The following LRP1B variants were observed in gnomAD, a reference collection of about 807,000 sequenced individuals.
LRP1B encodes LDL receptor related protein 1B.
Under a neutral mutation model 556.6 loss-of-function variants are expected in LRP1B, and 217 were observed. That is an observed-to-expected ratio of 0.39 (90% CI 0.35 to 0.44). LRP1B has a LOEUF of 0.44. Among genes scored for constraint, LRP1B ranks in the 20% least tolerant of loss-of-function variants. LRP1B has a pLI of 1.00. For synonymous variants in LRP1B, 2,047 were observed against 1,865.8 expected (o/e 1.10, Z -2.50); for missense variants, 5,053 against 5,620.8 (o/e 0.90, Z 3.23).
chr2:140,356,286 G>A (rs1682211182), intron 75 of LRP1B, 56 bp downstream of exon 75: 3 of 1,563,442 alleles, frequency 1.9e-6, no homozygotes, highest in Non-Finnish European at 2.6e-6. Flanking sequence ...TAGAAGTCTT[G>A]GGAATCTTCA....
chr2:141,902,389 C>T (rs1188405807), intron 1 of LRP1B, among the ~76,000 whole-genome samples: 2 of 151,894 alleles, frequency 1.3e-5, no homozygotes, highest in African/African-American at 4.8e-5. Context: ...CCTTAATATA[C>T]ATATAACTAT....
intron 2 of LRP1B, among the ~76,000 whole-genome samples, chr2:141,728,332 C>T (rs1693124993): frequency 6.6e-6 from 1 of 150,384 alleles, no homozygotes; most frequent in Non-Finnish European, 1.5e-5. Flanking sequence ...GTGACAATCC[C>T]AGAGCAGCCG....
At chr2:141,702,685 A>G (rs1347711893) in intron 2 of LRP1B, among the ~76,000 whole-genome samples, 2 of 151,874 alleles carry the variant, frequency 1.3e-5, no homozygotes, top group East Asian at 3.9e-4. Context: ...ATATTTTTCC[A>G]GGAAATTGTT....
intron 6 of LRP1B, among the ~76,000 whole-genome samples, chr2:141,220,233 T>G (rs1256736703): frequency 6.6e-6 from 1 of 152,076 alleles, no homozygotes; most frequent in African/African-American, 2.4e-5. Flanking sequence ...GGAACATAAA[T>G]GACCTGAAGG....
At chr2:140,312,656 C>A (rs1684356692) in intron 83 of LRP1B, among the ~76,000 whole-genome samples, 1 of 151,804 alleles carries the variant, frequency 6.6e-6, no homozygotes, top group African/African-American at 2.4e-5. Flanking sequence ...TTAAATCTAT[C>A]CTCCTATGAG....
At chr2:141,866,460 T>C (rs1698415594) in intron 1 of LRP1B, among the ~76,000 whole-genome samples, 1 of 152,206 alleles carries the variant, frequency 6.6e-6, no homozygotes, top group African/African-American at 2.4e-5. Flanking sequence ...TATGAGATCA[T>C]AGTCTTCATA....
At chr2:141,493,012 A>G (rs1442323181) in intron 2 of LRP1B, among the ~76,000 whole-genome samples, 2 of 152,152 alleles carry the variant, frequency 1.3e-5, no homozygotes, top group Admixed American at 1.3e-4. Context: ...ATTGCTGTTT[A>G]TTGAGTACTT....
intron 18 of LRP1B, among the ~76,000 whole-genome samples, chr2:140,959,289 G>C (rs1695965715): frequency 6.6e-6 from 1 of 151,490 alleles, no homozygotes; most frequent in African/African-American, 2.4e-5. Context: ...TTCTTTAAGA[G>C]GGAAAATGTT....
intron 79 of LRP1B, among the ~76,000 whole-genome samples, chr2:140,327,581 TAAAAACA>T (rs1196363280): frequency 1.3e-5 from 2 of 152,162 alleles, no homozygotes; most frequent in Non-Finnish European, 2.9e-5. Context: ...TGAGAAGGGT[TAAAAACA>T]TAAAACATGA....
chr2:140,905,829 C>T (rs770447695), intron 22 of LRP1B, among the ~76,000 whole-genome samples: 2 of 152,142 alleles, frequency 1.3e-5, no homozygotes, highest in Non-Finnish European at 2.9e-5. Context: ...TACTAGTTAG[C>T]ATCTGGCTTT....
At chr2:141,815,262 G>C (rs1000105943) in intron 1 of LRP1B, among the ~76,000 whole-genome samples, 2 of 152,178 alleles carry the variant, frequency 1.3e-5, no homozygotes, top group Non-Finnish European at 2.9e-5. Flanking sequence ...AGTTAACATA[G>C]TCTTAGTCGG....
intron 1 of LRP1B, among the ~76,000 whole-genome samples, chr2:141,825,377 C>T (rs1696888436): frequency 6.6e-6 from 1 of 152,090 alleles, no homozygotes; most frequent in South Asian, 2.1e-4. Flanking sequence ...ATCTCCTTCC[C>T]TAGTATTCTC....
In LRP1B at chr2:141,015,833, T is replaced by C. The variant is rs2105389431; in HGVS notation, c.2053A>G (p.Asn685Asp). 6.2e-7 allele frequency: 1 copy of C among 1,613,658 alleles called. No homozygotes were observed. The highest frequency in any genetic ancestry group is 2.2e-5 in the East Asian group (1 of 44,742). The change falls in exon 13 of 91, where the codon AAT becomes GAT. Residue 685 changes from asparagine to aspartate, a missense_variant. Physicochemically the swap from Asn to Asp is conservative, Grantham distance 23. This residue lies in a region of LRP1B where 3,619 missense variants were observed against 3,931.9 expected (regional missense o/e 0.92). Coordinates refer to ENST00000389484, the MANE Select transcript of LRP1B (RefSeq NM_018557.3). ...TTTGAAGTCACAAAAATCTGCCGATTGAATCCATCCATCCAGGCCTTCTCA... is the reference window on the plus strand; with the variant it reads ...TTTGAAGTCACAAAAATCTGCCGATCGAATCCATCCATCCAGGCCTTCTCA... ...RIEKAWMDGF[N>D]RQIFVTSKML...
At chr2:140,673,906 A>G (rs115875660) in intron 41 of LRP1B, among the ~76,000 whole-genome samples, 2,065 of 151,774 alleles carry the variant, frequency 0.014, 41 homozygotes, top group Admixed American at 0.046. Flanking sequence ...TCCAACCCGC[A>G]ACATATTTTA....
intron 3 of LRP1B, among the ~76,000 whole-genome samples, chr2:141,410,555 T>G (rs1690814878): frequency 6.6e-6 from 1 of 152,118 alleles, no homozygotes; most frequent in South Asian, 2.1e-4. Flanking sequence ...TGTGTCTGTG[T>G]GTGCACATGC....
intron 2 of LRP1B, among the ~76,000 whole-genome samples, chr2:141,639,214 C>T (rs1186878413): frequency 7.2e-6 from 1 of 139,422 alleles, no homozygotes; most frequent in Non-Finnish European, 1.5e-5. Context: ...AAGCAGTGGT[C>T]TTTGCATGGT....
intron 2 of LRP1B, among the ~76,000 whole-genome samples, chr2:141,527,352 G>A (rs2105185132): frequency 1.3e-5 from 2 of 151,724 alleles, no homozygotes; most frequent in Admixed American, 1.3e-4. Context: ...AAGACATGAT[G>A]TATAAAAAAA....
At position 141,637,788 on chromosome 2, in the gene LRP1B, A is replaced by G. The variant is rs186014754; in HGVS notation, c.206-157255T>C. Among the ~76,000 whole-genome samples, 56 of 152,306 alleles carry G rather than the reference A, an allele frequency of 3.7e-4. No homozygotes were observed. The East Asian group carries it at 0.01, about 27-fold the overall frequency. ...TCTCTGAATATCACACTGAAATGTA[A>G]TCCCCAATATTGGAGGTGGGACCTA... On this transcript the variant is annotated intron_variant, in intron 2 of 90. Transcript: ENST00000389484.
At chr2:141,025,123 T>C (rs993482660) in intron 11 of LRP1B, among the ~76,000 whole-genome samples, 3 of 152,052 alleles carry the variant, frequency 2.0e-5, no homozygotes, top group African/African-American at 7.2e-5. Flanking sequence ...TATATGCAGA[T>C]AGATAGAGCA....
Sources: allele counts gnomAD v4.1 joint callset (sites outside exome capture counted in the v4.1 genomes callset), GRCh38; gene constraint gnomAD v4.1.1; regional missense constraint gnomAD v4.1.1; transcripts MANE v1.5; gene names NCBI Gene and HGNC (gene_info 2026-07-23, HGNC 2026-07-21).